Variants in PDE8B observed in about 807,000 individuals in gnomAD.
PDE8B encodes phosphodiesterase 8B, also known as high affinity cAMP-specific and IBMX-insensitive 3',5'-cyclic phosphodiesterase 8B.
Under a neutral mutation model 101.3 loss-of-function variants are expected in PDE8B, and 26 were observed. The observed-to-expected ratio is 0.26, with a 90% CI of 0.19 to 0.36. The LOEUF (loss-of-function observed/expected upper bound fraction) is 0.36, where lower values mean the gene tolerates loss of function less well. Ranked by LOEUF, PDE8B falls within the 10% of genes least tolerant of loss-of-function variation. The probability of loss-of-function intolerance (pLI) is 1.00; values close to 1 mark genes in which losing one functional copy is unlikely to be tolerated. For missense variants in PDE8B, 810 were observed against 1,163.1 expected, an observed-to-expected ratio of 0.70 and a Z score of 4.42; for synonymous variants, 424 against 429.3, an observed-to-expected ratio of 0.99 and a Z score of 0.15.
intron 11 of PDE8B, among the ~76,000 whole-genome samples, chr5:77,400,767 T>C (rs1050099035): frequency 6.6e-6 from 1 of 152,180 alleles, no homozygotes; most frequent in Non-Finnish European, 1.5e-5. Flanking sequence ...TCATTTCATA[T>C]GTTGGGCAAG....
intron 1 of PDE8B, among the ~76,000 whole-genome samples, chr5:77,221,384 A>T (rs1328983478): frequency 6.6e-6 from 1 of 152,168 alleles, no homozygotes; most frequent in African/African-American, 2.4e-5. Context: ...TGATGCATCT[A>T]ACATGTTTCC....
At chr5:77,369,392 T>C (rs1784698572) in intron 10 of PDE8B, among the ~76,000 whole-genome samples, 1 of 151,864 alleles carries the variant, frequency 6.6e-6, no homozygotes, top group Non-Finnish European at 1.5e-5. Context: ...CACAGAGCCC[T>C]GAGCGAAGGT....
At chr5:77,343,681 A>G (rs1324826810) in intron 6 of PDE8B, among the ~76,000 whole-genome samples, 1 of 152,130 alleles carries the variant, frequency 6.6e-6, no homozygotes, top group Non-Finnish European at 1.5e-5. Flanking sequence ...AAATTCATTA[A>G]AACATTTTCC....
intron 1 of PDE8B, among the ~76,000 whole-genome samples, chr5:77,270,013 T>C (rs750749369): frequency 9.2e-5 from 14 of 152,164 alleles, no homozygotes; most frequent in Non-Finnish European, 1.9e-4. Context: ...GTGAAGAATG[T>C]TGTTGGTATT....
chr5:77,424,642 A>T (rs1464310067), intron 20 of PDE8B, among the ~76,000 whole-genome samples: 1 of 152,216 alleles, frequency 6.6e-6, no homozygotes, highest in Non-Finnish European at 1.5e-5. Context: ...AGTGCTTTCC[A>T]CAAGACAACC....
At chr5:77,115,741 TC>T in the PDE8B span, among the ~76,000 whole-genome samples, 3 of 152,142 alleles carry the variant, frequency 2.0e-5, no homozygotes, top group African/African-American at 7.2e-5. Flanking sequence ...CAGCCACGAG[TC>T]GGCCGTTGCC....
intron 1 of PDE8B, among the ~76,000 whole-genome samples, chr5:77,278,278 AG>A (rs1248542651): frequency 6.6e-6 from 1 of 152,154 alleles, no homozygotes; most frequent in African/African-American, 2.4e-5. Context: ...TTCTGGCTAA[AG>A]GGAATAGGGG....
At chr5:77,397,765 G>C (rs1791380728) in intron 10 of PDE8B, among the ~76,000 whole-genome samples, 1 of 152,166 alleles carries the variant, frequency 6.6e-6, no homozygotes, top group African/African-American at 2.4e-5. Flanking sequence ...AACATGCCAA[G>C]AAATGAGTAG....
At chr5:77,420,461 T>C (rs901617141) in intron 19 of PDE8B, among the ~76,000 whole-genome samples, 4 of 151,836 alleles carry the variant, frequency 2.6e-5, no homozygotes, top group Non-Finnish European at 5.9e-5. Context: ...CCTAATAAGA[T>C]CCACTGTTCT....
At chr5:77,261,881 G>A (rs1271675187) in intron 1 of PDE8B, among the ~76,000 whole-genome samples, 1 of 152,202 alleles carries the variant, frequency 6.6e-6, no homozygotes, top group Admixed American at 6.5e-5. Context: ...AGTGCCTTGC[G>A]TTCACAGGGA....
chr5:77,236,169 G>A (rs573486615), intron 1 of PDE8B, among the ~76,000 whole-genome samples: 1 of 152,330 alleles, frequency 6.6e-6, no homozygotes, highest in South Asian at 2.1e-4. Context: ...GGGAGGTCCC[G>A]AGTCAGGAAT....
chr5:77,324,145 C>T (rs1419254561), intron 2 of PDE8B, among the ~76,000 whole-genome samples: 3 of 152,016 alleles, frequency 2.0e-5, no homozygotes, highest in East Asian at 3.9e-4. Flanking sequence ...TTAAACCAGA[C>T]GTGGGTGCAG....
intron 6 of PDE8B, among the ~76,000 whole-genome samples, chr5:77,344,565 G>A (rs1329179870): frequency 6.6e-6 from 1 of 152,192 alleles, no homozygotes. Context: ...ATGGCAGAAA[G>A]TGCAAGGGAG....
intron 1 of PDE8B, among the ~76,000 whole-genome samples, chr5:77,309,941 A>ACCCTTT (rs772985826): frequency 9.6e-5 from 8 of 83,118 alleles, no homozygotes; most frequent in Non-Finnish European, 1.3e-4. Flanking sequence ...TTAATCATTA[A>ACCCTTT]TCTTTTTTTT....
At chr5:77,133,762 A>G in the PDE8B span, among the ~76,000 whole-genome samples, 2 of 152,238 alleles carry the variant, frequency 1.3e-5, no homozygotes, top group Admixed American at 1.3e-4. Flanking sequence ...GCTGCATATA[A>G]TAGGTACTAG....
chr5:77,200,797 A>T, the PDE8B span, among the ~76,000 whole-genome samples: 4 of 152,224 alleles, frequency 2.6e-5, no homozygotes, highest in Non-Finnish European at 5.9e-5. Flanking sequence ...AAGCTCTCTC[A>T]CATCTTACTG....
In PDE8B at chr5:77,211,040, C is replaced by A; in HGVS notation, c.115C>A (p.Pro39Thr). Residue 39 changes from proline to threonine, a missense_variant, in exon 1 of 22, where the codon CCC becomes ACC. Pro to Thr is a conservative substitution (Grantham distance 38, BLOSUM62 -1). Around this residue, in one of 4 missense-constraint regions of PDE8B, gnomAD observed 159 missense variants for 146.6 expected, o/e 1.08. Transcript: ENST00000264917. The surrounding 1 kb of genome is among the most constrained non-coding windows in gnomAD (Gnocchi z 4.1). ...CAGCGTGTCGCAGGGCCCGGCGGCACCCCTGCCCGGCCTCTTCGTCCAGAC... is the reference window on the plus strand; with the variant it reads ...CAGCGTGTCGCAGGGCCCGGCGGCAACCCTGCCCGGCCTCTTCGTCCAGAC... ...TTSVSQGPAA[P>T]LPGLFVQTDA... The A allele has an allele frequency of 6.5e-7, 1 of 1,537,862 alleles. No individual in the cohort carries two copies. The highest frequency in any genetic ancestry group is 1.4e-5 in the African/African-American group (1 of 70,492).
chr5:77,138,080 A>G, the PDE8B span, among the ~76,000 whole-genome samples: 2 of 152,364 alleles, frequency 1.3e-5, no homozygotes, highest in East Asian at 3.9e-4. Flanking sequence ...TGGACTTCCC[A>G]TGATAATAGT....
At chr5:77,307,958 C>G (rs1260305013) in intron 1 of PDE8B, among the ~76,000 whole-genome samples, 15 of 152,194 alleles carry the variant, frequency 9.9e-5, no homozygotes, top group Admixed American at 9.2e-4. Context: ...TGCAGTTGCT[C>G]AAAGTTCATT....
Sources: allele counts gnomAD v4.1 joint callset (sites outside exome capture counted in the v4.1 genomes callset), GRCh38; gene constraint gnomAD v4.1.1; regional missense constraint gnomAD v4.1.1; non-coding constraint Gnocchi (gnomAD v3.1); transcripts MANE v1.5; gene names NCBI Gene and HGNC (gene_info 2026-07-23, HGNC 2026-07-21).